The following NKD2 variants were observed in gnomAD, a reference collection of about 807,000 sequenced individuals.
The protein encoded by NKD2 is NKD inhibitor of Wnt signaling pathway 2.
NKD2 carries 43 observed loss-of-function variants against 34.8 expected under a neutral mutation model. The observed-to-expected ratio is 1.24, with a 90% CI of 0.97 to 1.60. The LOEUF (loss-of-function observed/expected upper bound fraction) is 1.60. Among genes scored for constraint, NKD2 ranks in the 40% most tolerant of loss-of-function variants. NKD2 has a pLI of 0.00. For synonymous variants in NKD2, 278 were observed against 265.1 expected (o/e 1.05, Z -0.47); for missense variants, 675 against 627.1 (o/e 1.08, Z -0.82).
Position 1,032,141 on chromosome 5 carries a change from T to G in NKD2, c.142-11T>G. 1 of 1,610,844 alleles carries G rather than the reference T, an allele frequency of 6.2e-7. No individual in the cohort carries two copies. The highest frequency in any genetic ancestry group is 8.5e-7 in the Non-Finnish European group (1 of 1,178,684). On this transcript the variant is annotated splice_polypyrimidine_tract_variant and intron_variant, in intron 3 of 9. Coordinates refer to ENST00000296849, the MANE Select transcript of NKD2 (RefSeq NM_033120.4). ...GCTATGTGGCCACTGACTGCCCCGT[T>G]CTTCCTGCAGGAGCTGCCCAATGGG...
intron 3 of NKD2, among the ~76,000 whole-genome samples, chr5:1,017,477 C>T (rs57365631): frequency 0.12 from 17,748 of 152,294 alleles, 1,166 homozygotes; most frequent in African/African-American, 0.17. Context: ...CACGAAAGAA[C>T]GTTGCTGTAG....
At chr5:1,018,036 A>G (rs1383571122) in intron 3 of NKD2, among the ~76,000 whole-genome samples, 4 of 152,030 alleles carry the variant, frequency 2.6e-5, no homozygotes. Context: ...AGAGGCTTCC[A>G]GGCTGGGCAG....
At position 1,034,770 on chromosome 5, in the gene NKD2, C is replaced by T; in HGVS notation, c.441C>T (p.Leu147=). 2 of 1,612,696 alleles carry T rather than the reference C, an allele frequency of 1.2e-6. No individual in the cohort carries two copies. The highest frequency in any genetic ancestry group is 1.7e-6 in the Non-Finnish European group (2 of 1,179,840). The change falls in exon 7 of 10, where the codon CTC becomes CTT. Residue 147 remains leucine (L), a synonymous_variant. Coordinates refer to ENST00000296849, the MANE Select transcript of NKD2 (RefSeq NM_033120.4). ...GKVTREDMSS[L]MHTIYEVVDA... Reference sequence around the variant, plus strand: ...CCGGGCCCCAGGACATGTCCAGCCTCATGCACACCATCTATGAGGTCGTGG... The same window carrying T: ...CCGGGCCCCAGGACATGTCCAGCCTTATGCACACCATCTATGAGGTCGTGG...
intron 9 of NKD2, among the ~76,000 whole-genome samples, chr5:1,037,197 G>C (rs1263546514): frequency 6.6e-6 from 1 of 152,140 alleles, no homozygotes; most frequent in Non-Finnish European, 1.5e-5. Context: ...GGCCTGCATG[G>C]AGATTCTTGT....
At chr5:1,012,187 G>T (rs888019162) in intron 3 of NKD2, among the ~76,000 whole-genome samples, 4 of 152,290 alleles carry the variant, frequency 2.6e-5, no homozygotes, top group African/African-American at 9.6e-5. Context: ...GGCGGAAAAT[G>T]GTTCTGAAGA....
rs73024806 is a variant in NKD2 at position 1,010,260 on chromosome 5, G to A, written c.141+700G>A. ...AATTAGACCTGCATGTTTGCTGAGCGTGAGAAAGCTAACATTTGATGGTCA... is the reference window on the plus strand; with the variant it reads ...AATTAGACCTGCATGTTTGCTGAGCATGAGAAAGCTAACATTTGATGGTCA... On this transcript the variant is annotated intron_variant, in intron 3 of 9. Transcript: ENST00000296849. Among the ~76,000 whole-genome samples, 324 of 152,330 alleles carry A rather than the reference G, an allele frequency of 2.1e-3. 1 individual carries two copies. Among genetic ancestry groups the A allele is most frequent in the African/African-American group, 7.3e-3 (304 of 41,570 alleles).
chr5:1,032,157 GCCCAATGGGGA>G lies in NKD2; in HGVS notation c.151_161del (p.Asn51GlnfsTer19), dbSNP rs1270490953. On this transcript the variant is annotated frameshift_variant, in exon 4 of 10. Transcript: ENST00000296849. LOFTEE classifies it high-confidence loss of function. ...CTGCCCCGTTCTTCCTGCAGGAGCTGCCCAATGGGGACCCCAAGGAGGGGCCTTTCCGGGAG... is the reference window on the plus strand; with the variant it reads ...CTGCCCCGTTCTTCCTGCAGGAGCTGCCCCAAGGAGGGGCCTTTCCGGGAG... The G allele has an allele frequency of 1.2e-6, 2 of 1,611,276 alleles. No individual in the cohort carries two copies. The highest frequency in any genetic ancestry group is 1.3e-5 in the African/African-American group (1 of 74,830).
intron 3 of NKD2, among the ~76,000 whole-genome samples, chr5:1,025,534 T>C (rs368447685): frequency 1.4e-3 from 2 of 1,456 alleles, no homozygotes; most frequent in Admixed American, 0.026. Context: ...CTCTTCCCAC[T>C]CTCTGTGGGC....
rs1369734699 is a variant in NKD2, at chr5:1,035,438, AAGGGTGGCTGACAGG to A, written c.628_642del (p.Val210_Arg214del). 1 of 1,558,604 alleles carries A rather than the reference AAGGGTGGCTGACAGG, an allele frequency of 6.4e-7. No individual in the cohort carries two copies. The highest frequency in any genetic ancestry group is 8.7e-7 in the Non-Finnish European group (1 of 1,151,186). On this transcript the variant is annotated inframe_deletion, in exon 8 of 10. Transcript: ENST00000296849. Reference sequence around the variant, plus strand: ...TGGAGGGTGAACTGGCAGAGGAGCCAAGGGTGGCTGACAGGAGGTTGTCTGCACACGTCAGGTGAG... The same window carrying A: ...TGGAGGGTGAACTGGCAGAGGAGCCAAGGTTGTCTGCACACGTCAGGTGAG...
intron 3 of NKD2, among the ~76,000 whole-genome samples, chr5:1,014,688 G>C (rs1432515886): frequency 6.6e-6 from 1 of 152,200 alleles, no homozygotes; most frequent in African/African-American, 2.4e-5. Context: ...TCTAGGCTAG[G>C]GTTGGGGGTT....
chr5:1,035,536 G>C, intron 8 of NKD2, 63 bp downstream of exon 8: 1 of 1,325,034 alleles, frequency 7.5e-7, no homozygotes, highest in Non-Finnish European at 1.1e-6. Context: ...CCACACCCCT[G>C]CTTCCCGCAG....
chr5:1,009,358 G>A lies in NKD2; in HGVS notation c.62-123G>A. ...CTCCAGGAGCGCGCGGGACCCCCAC[G>A]CCTGCCCCTGCGCGGTCTCCAGGCG... is the stretch of plus-strand genomic sequence containing the variant. On this transcript the variant is annotated intron_variant, in intron 2 of 9. Coordinates refer to ENST00000296849, the MANE Select transcript of NKD2 (RefSeq NM_033120.4). The surrounding 1 kb of genome is among the most constrained non-coding windows in gnomAD (Gnocchi z 6.9). 1.4e-6 allele frequency: 1 copy of A among 718,574 alleles called. No individual in the cohort carries two copies. The highest frequency in any genetic ancestry group is 2.1e-6 in the Non-Finnish European group (1 of 471,242). The allele number at this position is 718,574 out of a possible 1,614,324, so 44.5% of individuals were successfully genotyped here.
intron 3 of NKD2, among the ~76,000 whole-genome samples, chr5:1,015,323 C>G (rs555171907): frequency 6.6e-6 from 1 of 152,218 alleles, no homozygotes; most frequent in African/African-American, 2.4e-5. Flanking sequence ...GTGGGGTCCA[C>G]CGTCCTTCCT....
chr5:1,037,595 G>T (rs1198884659), intron 9 of NKD2: 1 of 1,535,976 alleles, frequency 6.5e-7, no homozygotes, highest in Non-Finnish European at 8.7e-7. Flanking sequence ...GTCGGCCTTT[G>T]CAGGGAGCTG....
intron 3 of NKD2, 50 bp from the exon 4 acceptor site, chr5:1,032,102 C>G (rs371011126): frequency 1.3e-6 from 2 of 1,482,306 alleles, no homozygotes; most frequent in Non-Finnish European, 1.9e-6. Context: ...CCATCTCCCC[C>G]GCCTGCCCAC....
chr5:1,023,511 T>C (rs75389513), intron 3 of NKD2, among the ~76,000 whole-genome samples: 16 of 1,078 alleles, frequency 0.015, 5 homozygotes, highest in Admixed American at 0.11. Flanking sequence ...GCCCGTTGTC[T>C]CTGCTCTTCC....
intron 3 of NKD2, among the ~76,000 whole-genome samples, chr5:1,020,227 T>G (rs1756119388): frequency 5.3e-5 from 8 of 152,146 alleles, no homozygotes; most frequent in Admixed American, 5.2e-4. Context: ...GAATAAAGTT[T>G]CGGCAGAGTT....
Position 1,009,522 on chromosome 5 carries a change from G to T in NKD2, c.103G>T (p.Gly35Cys), listed in dbSNP as rs755340269. 628 of 1,496,132 alleles carry T rather than the reference G, an allele frequency of 4.2e-4. No individual in the cohort carries two copies. Among genetic ancestry groups the T allele is most frequent in the Middle Eastern group, 4.2e-4 (2 of 4,712 alleles). 92.7% of individuals were successfully genotyped at this position (1,496,132 alleles called of 1,614,324 possible). Residue 35 changes from glycine (G) to cysteine (C), a missense_variant, in exon 3 of 10, where the codon GGC becomes TGC. Gly to Cys is a radical substitution (Grantham distance 159). Coordinates refer to ENST00000296849, the MANE Select transcript of NKD2 (RefSeq NM_033120.4). The surrounding 1 kb of genome is among the most constrained non-coding windows in gnomAD (Gnocchi z 6.9). ...VASAYASGRK[G>C]AEEAERRARD... ...GTCCGCGTACGCGAGCGGCCGCAAA[G>T]GCGCGGAGGAAGCGGAGCGGCGCGC...
chr5:1,013,072 G>T (rs1462897678), intron 3 of NKD2, among the ~76,000 whole-genome samples: 9 of 152,230 alleles, frequency 5.9e-5, no homozygotes, highest in Non-Finnish European at 1.3e-4. Flanking sequence ...TCGGCCACGT[G>T]CCACACAGAA....
Sources: allele counts gnomAD v4.1 joint callset (sites outside exome capture counted in the v4.1 genomes callset), GRCh38; gene constraint gnomAD v4.1.1; non-coding constraint Gnocchi (gnomAD v3.1); transcripts MANE v1.5; gene names NCBI Gene and HGNC (gene_info 2026-07-23, HGNC 2026-07-21).